Variants in CYP2B6 observed in about 807,000 individuals in gnomAD.
CYP2B6 encodes cytochrome P450 2B6.
CYP2B6 carries 35 observed loss-of-function variants against 43.4 expected under a neutral mutation model. The observed-to-expected ratio is 0.81, with a 90% CI of 0.62 to 1.07. CYP2B6 has a LOEUF of 1.07. CYP2B6 is among the 50% of genes least tolerant of loss of function. The pLI is 0.00. For missense variants in CYP2B6, 624 were observed against 632.8 expected (o/e 0.99, Z 0.15); for synonymous variants, 239 against 239.2 (o/e 1.00, Z 0.01).
At chr19:41,005,294 A>G (rs1196158440) in intron 3 of CYP2B6, among the ~76,000 whole-genome samples, 1 of 152,098 alleles carries the variant, frequency 6.6e-6, no homozygotes, top group Non-Finnish European at 1.5e-5. Flanking sequence ...TAGCACCTCC[A>G]TCTCATTCAT....
In CYP2B6 at chr19:41,000,609, G is replaced by A. The variant is rs1386043137; in HGVS notation, c.172-3392G>A. 5.9e-5 allele frequency among the ~76,000 whole-genome samples: 9 copies of A among 152,090 alleles called. No homozygotes were observed. The East Asian group carries it at 1.4e-3, about 23-fold the overall frequency. Reference sequence around the variant, plus strand: ...TTTCCATGTGTGACAAGAGTATCACGCAATCATGTGAATCAATGGACTTAG... The same window carrying A: ...TTTCCATGTGTGACAAGAGTATCACACAATCATGTGAATCAATGGACTTAG... On this transcript the variant is annotated intron_variant, in intron 1 of 8. Coordinates refer to ENST00000324071, the MANE Select transcript of CYP2B6 (RefSeq NM_000767.5).
intron 8 of CYP2B6, among the ~76,000 whole-genome samples, chr19:41,014,080 C>T (rs535465222): frequency 1.2e-3 from 176 of 152,160 alleles, no homozygotes; most frequent in African/African-American, 4.1e-3. Context: ...CTGCTTTAGG[C>T]CAAATTTAAT....
At position 41,006,647 on chromosome 19, in the gene CYP2B6, C is replaced by T. The variant is rs1969192316; in HGVS notation, c.485-258C>T. Among the ~76,000 whole-genome samples, 3 of 151,956 alleles carry T rather than the reference C, an allele frequency of 2.0e-5. No homozygotes were observed. In the South Asian group the frequency reaches 6.2e-4, roughly 32 times the overall value. Reference sequence around the variant, plus strand: ...CTGGCCTCAGTAATGAGTAGCTGTGCAACTTTGGTCAAATTACTCAGCCTC... The same window carrying T: ...CTGGCCTCAGTAATGAGTAGCTGTGTAACTTTGGTCAAATTACTCAGCCTC... On this transcript the variant is annotated intron_variant, in intron 3 of 8. Transcript: ENST00000324071.
intron 1 of CYP2B6, among the ~76,000 whole-genome samples, chr19:40,998,411 TTTTC>T (rs938320894): frequency 5.9e-5 from 9 of 151,564 alleles, no homozygotes; most frequent in Non-Finnish European, 1.2e-4. Flanking sequence ...CTAAAATGAG[TTTTC>T]TTTCTTTCTT....
intron 3 of CYP2B6, among the ~76,000 whole-genome samples, chr19:41,005,178 T>C (rs574360961): frequency 1.3e-4 from 20 of 152,214 alleles, no homozygotes; most frequent in African/African-American, 4.8e-4. Flanking sequence ...CCAGGTGGGG[T>C]GTTCTGCCCG....
intron 1 of CYP2B6, among the ~76,000 whole-genome samples, chr19:41,001,960 G>A (rs577093468): frequency 1.3e-3 from 204 of 151,728 alleles, no homozygotes; most frequent in African/African-American, 4.8e-3. Context: ...TCTGAGCAGA[G>A]ACAATGAAAG....
chr19:41,005,598 T>C (rs1969166219), intron 3 of CYP2B6, among the ~76,000 whole-genome samples: 1 of 152,026 alleles, frequency 6.6e-6, no homozygotes, highest in South Asian at 2.1e-4. Flanking sequence ...CTGGCCAACA[T>C]GGTGAAACCC....
intron 1 of CYP2B6, among the ~76,000 whole-genome samples, 194 bp downstream of exon 1, chr19:40,991,670 T>A (rs28739581): frequency 0.088 from 13,383 of 151,998 alleles, 1,976 homozygotes; most frequent in African/African-American, 0.3. Context: ...TAGCAGAGTT[T>A]ATTTGAGCAA....
chr19:40,992,176 T>G (rs1045603516), intron 1 of CYP2B6, among the ~76,000 whole-genome samples: 5 of 132,844 alleles, frequency 3.8e-5, no homozygotes, highest in Admixed American at 1.6e-4. Flanking sequence ...CACTCCATCC[T>G]GGGTGACAGA....
intron 4 of CYP2B6, among the ~76,000 whole-genome samples, chr19:41,008,361 G>A (rs1163756561): frequency 2.1e-5 from 3 of 144,018 alleles, no homozygotes; most frequent in Admixed American, 7.0e-5. Context: ...ATAGGCGAGC[G>A]CCACCACACC....
chr19:40,993,444 C>G (rs1441209478), intron 1 of CYP2B6, among the ~76,000 whole-genome samples: 1 of 152,126 alleles, frequency 6.6e-6, no homozygotes, highest in Admixed American at 6.5e-5. Flanking sequence ...AAGCAAGTAC[C>G]TTCTTCACAA....
chr19:41,011,115 G>C (rs1969276902), intron 6 of CYP2B6, among the ~76,000 whole-genome samples: 1 of 152,056 alleles, frequency 6.6e-6, no homozygotes. Flanking sequence ...TGATTCATTG[G>C]CTCATTCATT....
intron 1 of CYP2B6, among the ~76,000 whole-genome samples, chr19:40,996,661 A>C (rs1599841942): frequency 6.6e-6 from 1 of 152,120 alleles, no homozygotes; most frequent in South Asian, 2.1e-4. Flanking sequence ...CACTGTTTGG[A>C]TCATTTTCTC....
At chr19:41,004,501 G>T in intron 3 of CYP2B6, 55 bp downstream of exon 3, 2 of 1,592,040 alleles carry the variant, frequency 1.3e-6, no homozygotes, top group South Asian at 2.2e-5. Context: ...GAGAGATGCA[G>T]GTGCACGGGA....
chr19:41,001,375 CT>C (rs1444899999), intron 1 of CYP2B6, among the ~76,000 whole-genome samples: 6 of 152,066 alleles, frequency 3.9e-5, no homozygotes, highest in Non-Finnish European at 5.9e-5. Context: ...ATGATTGCAT[CT>C]CTTGGGGGTG....
intron 1 of CYP2B6, among the ~76,000 whole-genome samples, chr19:41,001,847 G>C (rs566072001): frequency 4.9e-4 from 74 of 152,200 alleles, no homozygotes; most frequent in African/African-American, 1.7e-3. Flanking sequence ...GGAAATGTTA[G>C]GTGGAGAAGA....
rs1969229127 is a variant in CYP2B6 at position 41,008,475 on chromosome 19, A to C, written c.646-744A>C. 1.5e-5 allele frequency among the ~76,000 whole-genome samples: 2 copies of C among 137,816 alleles called. 1 individual carries two copies. The highest frequency in any genetic ancestry group is 5.8e-5 in the African/African-American group (2 of 34,574). The allele number at this position is 137,816 out of a possible 152,430, so 90.4% of individuals were successfully genotyped here. On this transcript the variant is annotated intron_variant, in intron 4 of 8. Coordinates refer to ENST00000324071, the MANE Select transcript of CYP2B6 (RefSeq NM_000767.5). ...AAGCAGGGATGTATGTTGGATTCAC[A>C]TGTGGGGTTGTCACAGTTATGGATT...
rs373086625 is a variant in CYP2B6 at position 41,009,331 on chromosome 19, G to A, written c.758G>A (p.Arg253His). 3.2e-5 allele frequency: 52 copies of A among 1,609,500 alleles called. No homozygotes were observed. Among genetic ancestry groups the A allele is most frequent in the African/African-American group, 2.6e-4 (19 of 74,386 alleles). ...AYIGHSVEKH[R>H]ETLDPSAPKD... ...ATTGGCCACAGTGTGGAGAAGCACC[G>A]TGAAACCCTGGACCCCAGCGCCCCC... Residue 253 changes from arginine to histidine, a missense_variant, in exon 5 of 9, where the codon CGT becomes CAT. Coordinates refer to ENST00000324071, the MANE Select transcript of CYP2B6 (RefSeq NM_000767.5).
In CYP2B6 at chr19:41,009,357, A is replaced by G; in HGVS notation, c.784A>G (p.Lys262Glu). 6.4e-7 allele frequency: 1 copy of G among 1,570,178 alleles called. No homozygotes were observed. The highest frequency in any genetic ancestry group is 1.1e-5 in the South Asian group (1 of 88,174). Residue 262 changes from lysine to glutamate, a missense_variant, in exon 5 of 9, where the codon AAG (lysine) becomes GAG (glutamate). Lys to Glu is a moderately conservative substitution (Grantham distance 56, BLOSUM62 1). Coordinates refer to ENST00000324071, the MANE Select transcript of CYP2B6 (RefSeq NM_000767.5). ...TGAAACCCTGGACCCCAGCGCCCCC[A>G]AGGACCTCATCGACACCTACCTGCT... ...HRETLDPSAP[K>E]DLIDTYLLHM...
Sources: gnomAD v4.1 joint callset for allele counts (sites outside exome capture counted in the v4.1 genomes callset) on GRCh38, gnomAD v4.1.1 for gene constraint, MANE v1.5 for transcripts, NCBI Gene and HGNC (gene_info 2026-07-23, HGNC 2026-07-21) for gene names.